DDX23: variants seen among roughly 807,000 people sequenced by gnomAD.
DDX23 encodes the protein probable ATP-dependent RNA helicase DDX23.
Under a neutral mutation model 102.7 loss-of-function variants are expected in DDX23, and 33 were observed. The ratio of observed to expected loss-of-function variants is 0.32; its 90% CI spans 0.24 to 0.43. The LOEUF is 0.43. DDX23 is among the 20% of genes least tolerant of loss of function. DDX23 has a pLI of 1.00. For missense variants in DDX23, 549 were observed against 1,086.6 expected (o/e 0.51, Z 6.96); for synonymous variants, 352 against 376.0 (o/e 0.94, Z 0.74).
In DDX23 at chr12:48,830,497, T is replaced by C. The variant is rs752326456; in HGVS notation, c.2435A>G (p.Lys812Arg). 2.5e-6 allele frequency: 4 copies of C among 1,613,738 alleles called. No individual in the cohort carries two copies. The highest frequency in any genetic ancestry group is 3.4e-6 in the Non-Finnish European group (4 of 1,179,956). The change falls in exon 17 of 17, where the codon AAG becomes AGG. Residue 812 changes from lysine (K) to arginine (R), a missense_variant. Physicochemically the swap from Lys to Arg is conservative, Grantham distance 26. This residue lies in a region of DDX23 where 38 missense variants were observed against 94.5 expected (regional missense o/e 0.40). Coordinates refer to ENST00000308025, the MANE Select transcript of DDX23 (RefSeq NM_004818.3). This position sits in a 1 kb window ranked among gnomAD's most constrained non-coding sequence, Gnocchi z 4.9. ...QHKPGTILTKKRREETIFA is the reference protein window; with the variant it reads ...QHKPGTILTKRRREETIFA Reference sequence around the variant, plus strand: ...GGCAAAGATGGTCTCTTCCCGGCGCTTCTTGGTGAGGATGGTGCCTGGCTT... The same window carrying C: ...GGCAAAGATGGTCTCTTCCCGGCGCCTCTTGGTGAGGATGGTGCCTGGCTT...
chr12:48,842,258 T>C (rs1938572124), intron 3 of DDX23, among the ~76,000 whole-genome samples: 1 of 131,998 alleles, frequency 7.6e-6, no homozygotes, highest in African/African-American at 2.9e-5. Flanking sequence ...CAGCCGCCCA[T>C]CCGGGAGGGA....
chr12:48,849,651 CCT>C (rs1474702848), intron 1 of DDX23, among the ~76,000 whole-genome samples: 1 of 151,142 alleles, frequency 6.6e-6, no homozygotes, highest in African/African-American at 2.4e-5. Context: ...AGCAAGACTC[CCT>C]CTGTCTCGAG....
In DDX23 at chr12:48,847,080, C is replaced by G. The variant is rs73300112; in HGVS notation, c.1-1298G>C. Among the ~76,000 whole-genome samples the G allele has an allele frequency of 4.7e-3, 715 of 152,244 alleles. 8 individuals are homozygous for G. Among genetic ancestry groups the G allele is most frequent in the African/African-American group, 0.017 (693 of 41,534 alleles). ...CTCATGCCATTCCCTGCCATATATC[C>G]TTAAGAAAGATTGTATAAAGATGAG... On this transcript the variant is annotated intron_variant, in intron 1 of 16. Coordinates refer to ENST00000308025, the MANE Select transcript of DDX23 (RefSeq NM_004818.3).
At chr12:48,849,572 C>G (rs868524359) in intron 1 of DDX23, among the ~76,000 whole-genome samples, 2 of 151,782 alleles carry the variant, frequency 1.3e-5, no homozygotes, top group Middle Eastern at 3.2e-3. Flanking sequence ...TGAGGCAGAA[C>G]TGCTTGAACC....
rs1592199201 is a variant in DDX23 at position 48,832,016 on chromosome 12, C to A, written c.2064+62G>T. ...ACTTGAAAGGAAGAGCCTAGGGGGC[C>A]CTGCTAGATTCAGAAAGCAGTGCCA... On this transcript the variant is annotated intron_variant, in intron 15 of 16. Coordinates refer to ENST00000308025, the MANE Select transcript of DDX23 (RefSeq NM_004818.3). The surrounding 1 kb of genome is among the most constrained non-coding windows in gnomAD (Gnocchi z 4.4). 1.5e-5 allele frequency: 22 copies of A among 1,467,992 alleles called. No individual in the cohort carries two copies. Among genetic ancestry groups the A allele is most frequent in the African/African-American group, 1.3e-4 (9 of 71,874 alleles). The allele number at this position is 1,467,992 out of a possible 1,614,324, so 90.9% of individuals were successfully genotyped here.
At chr12:48,844,250 A>G (rs2137493712) in intron 2 of DDX23, among the ~76,000 whole-genome samples, 200 bp from the exon 3 acceptor site, 1 of 152,310 alleles carries the variant, frequency 6.6e-6, no homozygotes, top group East Asian at 1.9e-4. Flanking sequence ...CGGCAATGAC[A>G]GGTCACGGAC....
intron 2 of DDX23, among the ~76,000 whole-genome samples, 158 bp downstream of exon 2, chr12:48,845,416 C>T (rs1192282558): frequency 3.3e-5 from 5 of 152,182 alleles, no homozygotes; most frequent in Non-Finnish European, 7.3e-5. Flanking sequence ...GATCGCACCA[C>T]TGCACTCCAG....
intron 2 of DDX23, among the ~76,000 whole-genome samples, chr12:48,845,121 C>T (rs2137494652): frequency 6.9e-6 from 1 of 144,720 alleles, no homozygotes. Flanking sequence ...CATTGCACTC[C>T]AGCCTGGGAA....
intron 3 of DDX23, 69 bp from the exon 4 acceptor site, chr12:48,840,175 C>G (rs1246470939): frequency 8.0e-7 from 1 of 1,255,426 alleles, no homozygotes. Context: ...AAGTTGAGCC[C>G]CGAAAAGAGA....
intron 8 of DDX23, 50 bp downstream of exon 8, chr12:48,837,231 T>C (rs1938478297): frequency 1.3e-6 from 2 of 1,592,726 alleles, no homozygotes; most frequent in Non-Finnish European, 1.7e-6. Flanking sequence ...ATCAGCTCTC[T>C]AGGACTGCCT....
chr12:48,834,307 T>G lies in DDX23; in HGVS notation c.1560+13A>C. The G allele has an allele frequency of 1.9e-6, 3 of 1,596,796 alleles. No individual in the cohort carries two copies. The highest frequency in any genetic ancestry group is 2.6e-6 in the Non-Finnish European group (3 of 1,170,944). On this transcript the variant is annotated intron_variant, in intron 12 of 16. Coordinates refer to ENST00000308025, the MANE Select transcript of DDX23 (RefSeq NM_004818.3). ...CCCAGACAGCAGGCTGGCTGCTAGA[T>G]AGAAAAACAAACCTCACAACCCATG...
Position 48,837,317 on chromosome 12 carries a change from T to A in DDX23, c.830A>T (p.Asp277Val). The change falls in exon 8 of 17, where the codon GAT (aspartate) becomes GTT (valine). Residue 277 changes from aspartate to valine, a missense_variant. Transcript: ENST00000308025. The stretch of plus-strand genomic sequence containing the variant: ...GTCAATGGATGTGTCCTCAGATGCA[T>A]CCCACTCAAAAACAAATTTCCGGTC... The part of the protein sequence containing the change: ...LNDRKFVFEW[D>V]ASEDTSIDYN... 6.2e-7 allele frequency: 1 copy of A among 1,614,100 alleles called. No homozygotes were observed. The highest frequency in any genetic ancestry group is 8.5e-7 in the Non-Finnish European group (1 of 1,180,020).
rs753649802 is a variant in DDX23 at position 48,831,311 on chromosome 12, A to G, written c.2070T>C (p.Asn690=). The change falls in exon 16 of 17, where the codon AAT becomes AAC. Residue 690 remains asparagine (N), a synonymous_variant. Transcript: ENST00000308025. ...LAKSLEKMGY[N]ACTLHGGKGQ... ...CTTTTCCACCGTGCAGTGTGCAAGC[A>G]TTGTACTGTTGGAAGAATGGTGAAG... 26 of 1,614,076 alleles carry G rather than the reference A, an allele frequency of 1.6e-5. No individual in the cohort carries two copies. The highest frequency in any genetic ancestry group is 4.0e-5 in the African/African-American group (3 of 74,930).
At chr12:48,843,547 CTTTTTTTTT>C (rs757724499) in intron 3 of DDX23, among the ~76,000 whole-genome samples, 4 of 117,516 alleles carry the variant, frequency 3.4e-5, no homozygotes, top group African/African-American at 1.3e-4. Flanking sequence ...TTCTTTCTTT[CTTTTTTTTT>C]TTTTTTTTTT....
chr12:48,850,574 G>T (rs1938740246), intron 1 of DDX23, among the ~76,000 whole-genome samples: 1 of 152,098 alleles, frequency 6.6e-6, no homozygotes, highest in Admixed American at 6.5e-5. Context: ...GCAGCATAGT[G>T]AAAGAAAAAA....
At chr12:48,839,752 G>T in intron 5 of DDX23, 92 bp downstream of exon 5, 1 of 1,333,464 alleles carries the variant, frequency 7.5e-7, no homozygotes, top group Non-Finnish European at 1.1e-6. Context: ...CCAGAACTGT[G>T]AGAAAATTAA....
At chr12:48,838,213 C>T (rs1787059187) in intron 5 of DDX23, 133 bp from the exon 6 acceptor site, 2 of 1,326,078 alleles carry the variant, frequency 1.5e-6, no homozygotes, top group Non-Finnish European at 1.0e-6. Flanking sequence ...ACAAATAGGC[C>T]TTGGACTCGG....
At chr12:48,844,199 A>C (rs1483385548) in intron 2 of DDX23, 149 bp from the exon 3 acceptor site, 1 of 768,436 alleles carries the variant, frequency 1.3e-6, no homozygotes, top group Non-Finnish European at 2.2e-6. Context: ...AGGGAATTCT[A>C]AGAAGCTTTT....
chr12:48,848,470 T>C (rs896040417), intron 1 of DDX23, among the ~76,000 whole-genome samples: 3 of 152,138 alleles, frequency 2.0e-5, no homozygotes, highest in African/African-American at 7.2e-5. Context: ...AAGTTTTAGT[T>C]GACATTTAAG....
Sources: allele counts gnomAD v4.1 joint callset (sites outside exome capture counted in the v4.1 genomes callset), GRCh38; gene constraint gnomAD v4.1.1; regional missense constraint gnomAD v4.1.1; non-coding constraint Gnocchi (gnomAD v3.1); transcripts MANE v1.5; gene names NCBI Gene and HGNC (gene_info 2026-07-23, HGNC 2026-07-21).